The following CADM1 variants were observed in gnomAD, a reference collection of about 807,000 sequenced individuals.
CADM1 encodes cell adhesion molecule 1.
In CADM1, 15 loss-of-function variants were observed where a neutral mutation model predicts 53.1. That is an observed-to-expected ratio of 0.28 (90% CI 0.19 to 0.44). CADM1 has a LOEUF of 0.44. Ranked by LOEUF, CADM1 falls within the 20% of genes least tolerant of loss-of-function variation. The pLI is 1.00. For synonymous variants in CADM1, 281 were observed against 243.0 expected (o/e 1.16, Z -1.45); for missense variants, 434 against 611.3 (o/e 0.71, Z 3.06).
At chr11:115,375,160 T>C (rs1341288727) in intron 1 of CADM1, among the ~76,000 whole-genome samples, 1 of 152,176 alleles carries the variant, frequency 6.6e-6, no homozygotes, top group Non-Finnish European at 1.5e-5. Flanking sequence ...GAAATAATAT[T>C]GGTCATGAGT....
chr11:115,392,637 T>A (rs1434531405), intron 1 of CADM1, among the ~76,000 whole-genome samples: 1 of 152,164 alleles, frequency 6.6e-6, no homozygotes, highest in Admixed American at 6.6e-5. Flanking sequence ...ATATTTTTCC[T>A]CTGCATAATT....
At chr11:115,334,210 T>C (rs555257684) in intron 1 of CADM1, among the ~76,000 whole-genome samples, 1 of 152,160 alleles carries the variant, frequency 6.6e-6, no homozygotes, top group Non-Finnish European at 1.5e-5. Flanking sequence ...ACTACAGTGA[T>C]GTAGTATTTA....
intron 1 of CADM1, among the ~76,000 whole-genome samples, chr11:115,369,392 A>G (rs996685958): frequency 6.6e-5 from 10 of 152,200 alleles, no homozygotes; most frequent in Admixed American, 6.5e-4. Context: ...AGAGCAAGTA[A>G]TATGAACTGG....
intron 1 of CADM1, among the ~76,000 whole-genome samples, chr11:115,453,387 CAAA>C (rs11286640): frequency 7.2e-6 from 1 of 138,556 alleles, no homozygotes; most frequent in Admixed American, 7.3e-5. Context: ...CAAAAAAAAC[CAAA>C]AAAAAAAAAC....
chr11:115,347,037 C>T (rs1945597852), intron 1 of CADM1, among the ~76,000 whole-genome samples: 1 of 152,110 alleles, frequency 6.6e-6, no homozygotes, highest in Non-Finnish European at 1.5e-5. Context: ...AGCATATAAA[C>T]ATATACTCTC....
At chr11:115,235,282 A>G (rs1429086008) in intron 3 of CADM1, among the ~76,000 whole-genome samples, 2 of 152,132 alleles carry the variant, frequency 1.3e-5, no homozygotes, top group African/African-American at 4.8e-5. Flanking sequence ...TATTTGGTCT[A>G]TTAATTCTAT....
intron 1 of CADM1, among the ~76,000 whole-genome samples, chr11:115,389,703 T>A (rs1359110847): frequency 6.6e-6 from 1 of 152,062 alleles, no homozygotes; most frequent in South Asian, 2.1e-4. Flanking sequence ...AAAATGCCTA[T>A]AAAGAAATCC....
At chr11:115,416,803 G>A (rs1230034256) in intron 1 of CADM1, among the ~76,000 whole-genome samples, 1 of 151,508 alleles carries the variant, frequency 6.6e-6, no homozygotes, top group African/African-American at 2.4e-5. Context: ...AGTAAAAAAG[G>A]AAAATTAGAA....
intron 1 of CADM1, among the ~76,000 whole-genome samples, chr11:115,496,240 C>A (rs1949608545): frequency 2.0e-5 from 3 of 152,036 alleles, no homozygotes; most frequent in African/African-American, 4.8e-5. Context: ...GTTGAGGTAC[C>A]TTTTAGGTAA....
intron 1 of CADM1, among the ~76,000 whole-genome samples, chr11:115,502,392 G>T (rs1475290366): frequency 8.7e-6 from 1 of 115,520 alleles, no homozygotes; most frequent in Non-Finnish European, 1.6e-5. Flanking sequence ...TCTATTATGC[G>T]CCAGTTACCG....
rs997580686 is a variant in CADM1 at position 115,175,416 on chromosome 11, G to C, written c.*1058C>G. 9.1e-6 allele frequency: 9 copies of C among 984,680 alleles called. No individual in the cohort carries two copies. The African/African-American group carries it at 1.6e-4, about 17-fold the overall frequency. 61.0% of individuals were successfully genotyped at this position (984,680 alleles called of 1,614,324 possible). A position where few individuals can be genotyped will look rare whatever the true frequency, so the allele number is the denominator to read the frequency against. On this transcript the variant is annotated 3_prime_UTR_variant, in exon 12 of 12. Transcript: ENST00000331581. Reference sequence around the variant, plus strand: ...TCAACTCTGTCCCATTCAGTCATTCGCACAACAGACGAACTTGCTTTTTCC... The same window carrying C: ...TCAACTCTGTCCCATTCAGTCATTCCCACAACAGACGAACTTGCTTTTTCC...
At chr11:115,190,792 C>T (rs1295612413) in intron 10 of CADM1, 96 bp downstream of exon 10, 2 of 1,023,876 alleles carry the variant, frequency 2.0e-6, no homozygotes, top group Non-Finnish European at 2.9e-6. Context: ...AAAATCCACA[C>T]TGATTGCTCA....
intron 1 of CADM1, among the ~76,000 whole-genome samples, chr11:115,241,804 C>T (rs963514220): frequency 6.6e-6 from 1 of 152,024 alleles, no homozygotes; most frequent in Non-Finnish European, 1.5e-5. Context: ...TGTTTTACAC[C>T]AACTCGGGGC....
chr11:115,421,752 G>C (rs888521753), intron 1 of CADM1, among the ~76,000 whole-genome samples: 2 of 152,130 alleles, frequency 1.3e-5, no homozygotes, highest in African/African-American at 4.8e-5. Context: ...AATTGTACAT[G>C]TTTCTCTCAA....
At chr11:115,331,385 A>G (rs1007920499) in intron 1 of CADM1, among the ~76,000 whole-genome samples, 1 of 152,138 alleles carries the variant, frequency 6.6e-6, no homozygotes, top group Admixed American at 6.5e-5. Context: ...ACAGAGACAC[A>G]CATTTCCATT....
intron 1 of CADM1, among the ~76,000 whole-genome samples, chr11:115,399,918 C>T (rs1201689373): frequency 6.6e-6 from 1 of 152,146 alleles, no homozygotes; most frequent in South Asian, 2.1e-4. Flanking sequence ...TAGGATATCC[C>T]TGAATCTTAC....
At chr11:115,198,562 G>A (rs980871177) in intron 8 of CADM1, 124 bp from the exon 9 acceptor site, 2 of 722,788 alleles carry the variant, frequency 2.8e-6, no homozygotes, top group Non-Finnish European at 4.8e-6. Context: ...AACATCGCGT[G>A]ACAAGCAATA....
chr11:115,286,898 A>G (rs1443750853), intron 1 of CADM1, among the ~76,000 whole-genome samples: 1 of 152,218 alleles, frequency 6.6e-6, no homozygotes, highest in Non-Finnish European at 1.5e-5. Context: ...GCATTTCAAG[A>G]ACAACAGAAC....
chr11:115,386,589 G>A (rs910162450), intron 1 of CADM1, among the ~76,000 whole-genome samples: 2 of 152,104 alleles, frequency 1.3e-5, no homozygotes, highest in African/African-American at 4.8e-5. Context: ...GGCTGAGTCC[G>A]CTAGCTCAGA....
Sources: allele counts gnomAD v4.1 joint callset (sites outside exome capture counted in the v4.1 genomes callset), GRCh38; gene constraint gnomAD v4.1.1; transcripts MANE v1.5; gene names NCBI Gene and HGNC (gene_info 2026-07-23, HGNC 2026-07-21).